The following SLC24A2 variants were observed in gnomAD, a reference collection of about 807,000 sequenced individuals.
The protein encoded by SLC24A2 is sodium/potassium/calcium exchanger 2.
A neutral mutation model predicts 62.0 loss-of-function variants in SLC24A2; 36 were observed. That is an observed-to-expected ratio of 0.58 (90% CI 0.44 to 0.77). The LOEUF (loss-of-function observed/expected upper bound fraction) is 0.77. Ranked by LOEUF, SLC24A2 falls within the 30% of genes least tolerant of loss-of-function variation. SLC24A2 has a pLI of 0.00. For synonymous variants in SLC24A2, 358 were observed against 294.0 expected, an observed-to-expected ratio of 1.22 and a Z score of -2.23; for missense variants, 846 against 817.9, an observed-to-expected ratio of 1.03 and a Z score of -0.42.
the SLC24A2 span, among the ~76,000 whole-genome samples, chr9:20,189,005 A>T: frequency 6.6e-6 from 1 of 151,652 alleles, no homozygotes; most frequent in African/African-American, 2.4e-5. Context: ...CTGTTATAAT[A>T]TCTGGGTTAC....
chr9:19,587,286 A>G (rs1418751967), intron 5 of SLC24A2, among the ~76,000 whole-genome samples: 2 of 152,178 alleles, frequency 1.3e-5, no homozygotes, highest in Non-Finnish European at 2.9e-5. Flanking sequence ...TTACCCAATC[A>G]TTTATTTTAT....
chr9:19,693,804 A>T (rs552777425), intron 2 of SLC24A2, among the ~76,000 whole-genome samples: 1 of 152,086 alleles, frequency 6.6e-6, no homozygotes, highest in Admixed American at 6.6e-5. Flanking sequence ...TTTATTTTTT[A>T]AAAATAACTT....
the SLC24A2 span, among the ~76,000 whole-genome samples, chr9:19,840,313 C>A: frequency 1.3e-5 from 2 of 152,256 alleles, no homozygotes; most frequent in African/African-American, 2.4e-5. Context: ...AGAATTAAAC[C>A]AGTACCCAGG....
the SLC24A2 span, among the ~76,000 whole-genome samples, chr9:20,055,849 A>T: frequency 4.6e-4 from 70 of 152,262 alleles, 1 homozygote; most frequent in African/African-American, 1.7e-3. Context: ...AGACGGCACC[A>T]CTGCACTCCA....
At chr9:19,641,283 A>G (rs570432342) in intron 2 of SLC24A2, among the ~76,000 whole-genome samples, 1 of 152,308 alleles carries the variant, frequency 6.6e-6, no homozygotes, top group South Asian at 2.1e-4. Flanking sequence ...CTTGGCCTTA[A>G]ATTCCATCAA....
At chr9:19,687,085 A>C (rs1819904638) in intron 2 of SLC24A2, among the ~76,000 whole-genome samples, 1 of 152,078 alleles carries the variant, frequency 6.6e-6, no homozygotes, top group Admixed American at 6.6e-5. Flanking sequence ...CATTGAGTAC[A>C]CATAGACACA....
the SLC24A2 span, among the ~76,000 whole-genome samples, chr9:20,272,078 T>G: frequency 6.6e-6 from 1 of 152,334 alleles, no homozygotes; most frequent in Middle Eastern, 3.4e-3. Flanking sequence ...CTGCAATGCT[T>G]CAGTCCTAAA....
At chr9:19,858,523 T>C in the SLC24A2 span, among the ~76,000 whole-genome samples, 2 of 152,282 alleles carry the variant, frequency 1.3e-5, no homozygotes, top group Admixed American at 6.5e-5. Flanking sequence ...AAAGAGTTTC[T>C]TTACAGCAAA....
At chr9:20,086,749 A>G in the SLC24A2 span, among the ~76,000 whole-genome samples, 1 of 152,196 alleles carries the variant, frequency 6.6e-6, no homozygotes, top group Non-Finnish European at 1.5e-5. Context: ...AAGCCTAGGA[A>G]ATACTAAGCT....
the SLC24A2 span, among the ~76,000 whole-genome samples, chr9:20,215,121 G>A: frequency 1.9e-4 from 29 of 152,170 alleles, no homozygotes; most frequent in African/African-American, 6.8e-4. Context: ...TGTAGTGTCT[G>A]GTGAGAGTCA....
At chr9:20,224,227 T>C in the SLC24A2 span, among the ~76,000 whole-genome samples, 1 of 151,714 alleles carries the variant, frequency 6.6e-6, no homozygotes, top group Non-Finnish European at 1.5e-5. Context: ...ATATGACAAA[T>C]AAGAATTTAA....
chr9:19,766,838 G>C (rs1424344293), intron 2 of SLC24A2, among the ~76,000 whole-genome samples: 3 of 152,214 alleles, frequency 2.0e-5, no homozygotes, highest in Non-Finnish European at 4.4e-5. Flanking sequence ...GAGATCTGCT[G>C]CTCTCTTCAG....
chr9:19,547,721 G>A (rs1049279115), intron 8 of SLC24A2, among the ~76,000 whole-genome samples: 16 of 151,466 alleles, frequency 1.1e-4, no homozygotes, highest in Non-Finnish European at 2.1e-4. Flanking sequence ...TCTTCTGGGG[G>A]CCACACCACA....
chr9:20,171,356 C>A, the SLC24A2 span, among the ~76,000 whole-genome samples: 7 of 151,632 alleles, frequency 4.6e-5, no homozygotes, highest in Non-Finnish European at 8.8e-5. Context: ...TAGAATAGTA[C>A]CTCACATATA....
chr9:19,575,569 T>C (rs979634530), intron 6 of SLC24A2, among the ~76,000 whole-genome samples: 1 of 152,240 alleles, frequency 6.6e-6, no homozygotes, highest in African/African-American at 2.4e-5. Context: ...TGGACTTACT[T>C]TGAAAAGCAT....
the SLC24A2 span, among the ~76,000 whole-genome samples, chr9:19,984,481 A>G: frequency 1.3e-5 from 2 of 152,152 alleles, no homozygotes; most frequent in Non-Finnish European, 2.9e-5. Flanking sequence ...CAAGGTATGT[A>G]GATCATCTGA....
At chr9:20,051,657 C>CTCTTTTTTTTTTTTTTTTTTT in the SLC24A2 span, among the ~76,000 whole-genome samples, 134 of 73,470 alleles carry the variant, frequency 1.8e-3, 7 homozygotes, top group Middle Eastern at 0.01. Flanking sequence ...TTTTCTTTCT[C>CTCTTTTTTTTTTTTTTTTTTT]TTTTTTTTTT....
At chr9:20,000,360 T>G in the SLC24A2 span, among the ~76,000 whole-genome samples, 4 of 152,292 alleles carry the variant, frequency 2.6e-5, no homozygotes, top group African/African-American at 9.6e-5. Flanking sequence ...AGACAGAATT[T>G]GACCTAGGCA....
In SLC24A2 at chr9:19,775,914, A is replaced by G. The variant is rs1822831562; in HGVS notation, c.930+10023T>C. ...CCTGCTGAAAGAAAGGAAGAAGGAG[A>G]AAAAAACGTTCTTAACATAACTAAG... is the stretch of plus-strand genomic sequence containing the variant. On this transcript the variant is annotated intron_variant, in intron 2 of 10. Transcript: ENST00000341998. Among the ~76,000 whole-genome samples, 3 of 152,164 alleles carry G rather than the reference A, an allele frequency of 2.0e-5. No homozygotes were observed. The South Asian group carries it at 6.2e-4, about 32-fold the overall frequency.
Sources: allele counts gnomAD v4.1 joint callset (sites outside exome capture counted in the v4.1 genomes callset), GRCh38; gene constraint gnomAD v4.1.1; transcripts MANE v1.5; gene names NCBI Gene and HGNC (gene_info 2026-07-23, HGNC 2026-07-21).